The following ARL14EPL variants were observed in gnomAD, a reference collection of about 807,000 sequenced individuals.
ARL14EPL encodes ARF like GTPase 14 effector protein like.
A neutral mutation model predicts 15.9 loss-of-function variants in ARL14EPL; 17 were observed. That is an observed-to-expected ratio of 1.07 (90% CI 0.73 to 1.60). ARL14EPL has a LOEUF of 1.60. ARL14EPL is among the 40% of genes most tolerant of loss of function. The probability of loss-of-function intolerance (pLI) is 0.00; values close to 1 mark genes in which losing one functional copy is unlikely to be tolerated. For missense variants in ARL14EPL, 214 were observed against 185.9 expected, an observed-to-expected ratio of 1.15 and a Z score of -0.88; for synonymous variants, 78 against 63.8, an observed-to-expected ratio of 1.22 and a Z score of -1.06.
chr5:116,036,979 TCTC>T (rs1749060143), intron 1 of ARL14EPL, among the ~76,000 whole-genome samples: 1 of 152,130 alleles, frequency 6.6e-6, no homozygotes, highest in Non-Finnish European at 1.5e-5. Flanking sequence ...AATTTGCAAC[TCTC>T]CTCCTCTGAG....
intron 1 of ARL14EPL, among the ~76,000 whole-genome samples, chr5:116,042,936 A>G (rs1275215221): frequency 1.3e-5 from 2 of 152,090 alleles, no homozygotes; most frequent in South Asian, 2.1e-4. Context: ...ATAACTCTAT[A>G]GAGATCTCCC....
intron 1 of ARL14EPL, among the ~76,000 whole-genome samples, chr5:116,045,832 T>G (rs890893697): frequency 6.6e-6 from 1 of 152,084 alleles, no homozygotes; most frequent in Admixed American, 6.6e-5. Flanking sequence ...CTGTGGATAC[T>G]GTAGATAAAG....
chr5:116,045,080 G>T (rs982403819), intron 1 of ARL14EPL, among the ~76,000 whole-genome samples: 1 of 152,098 alleles, frequency 6.6e-6, no homozygotes, highest in African/African-American at 2.4e-5. Flanking sequence ...TCCTAAACCC[G>T]ATGCCCTCTG....
chr5:116,058,915 A>G lies in ARL14EPL; in HGVS notation c.427A>G (p.Ile143Val), dbSNP rs1014675199. 2.0e-6 allele frequency: 3 copies of G among 1,536,112 alleles called. No homozygotes were observed. The African/African-American group carries it at 4.1e-5, about 21-fold the overall frequency. ...DAIVTESGEVISTLPFNVPD is the reference protein window; with the variant it reads ...DAIVTESGEVVSTLPFNVPD ...CATCGTCACTGAGTCAGGAGAGGTCATCAGCACGCTGCCGTTTAATGTTCC... is the reference window on the plus strand; with the variant it reads ...CATCGTCACTGAGTCAGGAGAGGTCGTCAGCACGCTGCCGTTTAATGTTCC... The change falls in exon 4 of 4, where the codon ATC (isoleucine) becomes GTC (valine). Residue 143 changes from isoleucine (I) to valine (V), a missense_variant. By Grantham distance (29) the Ile-to-Val change is conservative. Transcript: ENST00000686077.
At chr5:116,054,393 G>A (rs561165777) in intron 3 of ARL14EPL, among the ~76,000 whole-genome samples, 3 of 152,254 alleles carry the variant, frequency 2.0e-5, no homozygotes, top group Admixed American at 1.3e-4. Context: ...ATAGAGTAAT[G>A]GCTTTAGTAG....
At chr5:116,041,577 T>C (rs1485281467) in intron 1 of ARL14EPL, among the ~76,000 whole-genome samples, 2 of 152,186 alleles carry the variant, frequency 1.3e-5, no homozygotes, top group Non-Finnish European at 2.9e-5. Flanking sequence ...CTGGGAATGA[T>C]GCTCATTAGA....
At position 116,058,923 on chromosome 5, in the gene ARL14EPL, G is replaced by A. The variant is rs370426377; in HGVS notation, c.435G>A (p.Thr145=). 1.0e-5 allele frequency: 16 copies of A among 1,535,896 alleles called. No homozygotes were observed. The highest frequency in any genetic ancestry group is 9.8e-5 in the East Asian group (4 of 40,922). ...CTGAGTCAGGAGAGGTCATCAGCACGCTGCCGTTTAATGTTCCTGACTAGG... is the reference window on the plus strand; with the variant it reads ...CTGAGTCAGGAGAGGTCATCAGCACACTGCCGTTTAATGTTCCTGACTAGG... The part of the protein sequence containing the change: ...IVTESGEVIS[T]LPFNVPD Residue 145 remains threonine (T), a synonymous_variant, in exon 4 of 4, where the codon ACG becomes ACA. Transcript: ENST00000686077.
At chr5:116,033,234 C>A (rs1748990560) in intron 1 of ARL14EPL, among the ~76,000 whole-genome samples, 2 of 152,148 alleles carry the variant, frequency 1.3e-5, no homozygotes, top group Admixed American at 6.5e-5. Context: ...TTCATACTTT[C>A]CAGTGGTGCA....
At chr5:116,050,312 C>T (rs138315723) in intron 1 of ARL14EPL, among the ~76,000 whole-genome samples, 1 of 152,144 alleles carries the variant, frequency 6.6e-6, no homozygotes, top group Non-Finnish European at 1.5e-5. Context: ...GTGTAGCCAG[C>T]GTTTAGCTCC....
chr5:116,036,101 A>G (rs1749045808), intron 1 of ARL14EPL, among the ~76,000 whole-genome samples: 1 of 152,188 alleles, frequency 6.6e-6, no homozygotes, highest in Admixed American at 6.5e-5. Context: ...TTGAGAGACA[A>G]TGGCTTACTC....
chr5:116,040,527 A>G (rs1289092556), intron 1 of ARL14EPL, among the ~76,000 whole-genome samples: 2 of 151,680 alleles, frequency 1.3e-5, no homozygotes, highest in African/African-American at 2.4e-5. Flanking sequence ...ACTGGGACGT[A>G]GTGGACGATA....
intron 1 of ARL14EPL, among the ~76,000 whole-genome samples, chr5:116,043,273 A>G (rs10478270): frequency 0.024 from 3,602 of 152,072 alleles, 137 homozygotes; most frequent in East Asian, 0.13. Flanking sequence ...ATAACTCATA[A>G]GCATGAAGGT....
chr5:116,034,551 A>C (rs1025199434), intron 1 of ARL14EPL, among the ~76,000 whole-genome samples: 3 of 152,072 alleles, frequency 2.0e-5, no homozygotes, highest in Non-Finnish European at 2.9e-5. Context: ...ATTTTTAGAG[A>C]AATGTTACCT....
At chr5:116,040,922 G>T (rs1749141561) in intron 1 of ARL14EPL, among the ~76,000 whole-genome samples, 1 of 130,890 alleles carries the variant, frequency 7.6e-6, no homozygotes, top group Non-Finnish European at 1.6e-5. Context: ...GGAGCTTGCA[G>T]TGAGCTGAAA....
In ARL14EPL at chr5:116,059,189, C is replaced by T; in HGVS notation, c.*242C>T. ...TGTAACAATGGAGGGATCAGCATTT[C>T]TCATCAGCACCCTCATCTCTACTCT... On this transcript the variant is annotated 3_prime_UTR_variant, in exon 4 of 4. Transcript: ENST00000686077. 2.0e-6 allele frequency: 1 copy of T among 491,526 alleles called. No homozygotes were observed. The allele number at this position is 491,526 out of a possible 1,614,324, so 30.4% of individuals were successfully genotyped here.
chr5:116,055,824 T>A (rs2434358), intron 3 of ARL14EPL, among the ~76,000 whole-genome samples: 86,206 of 151,254 alleles, frequency 0.57, 26,165 homozygotes, highest in Non-Finnish European at 0.7. Flanking sequence ...CAGGCCCCAG[T>A]GTGTGATGTT....
intron 1 of ARL14EPL, among the ~76,000 whole-genome samples, chr5:116,050,158 G>A (rs992978267): frequency 5.3e-5 from 8 of 152,112 alleles, no homozygotes; most frequent in Non-Finnish European, 1.2e-4. Flanking sequence ...TTTCTTTCAA[G>A]TTTTATTTTA....
intron 1 of ARL14EPL, among the ~76,000 whole-genome samples, chr5:116,049,050 C>A (rs182914422): frequency 6.6e-6 from 1 of 152,110 alleles, no homozygotes; most frequent in African/African-American, 2.4e-5. Context: ...TTTGTTTGGA[C>A]GTAGCCCATG....
intron 3 of ARL14EPL, among the ~76,000 whole-genome samples, chr5:116,056,844 C>G (rs1749528988): frequency 6.6e-6 from 1 of 152,110 alleles, no homozygotes; most frequent in South Asian, 2.1e-4. Flanking sequence ...AGGAAGGGAT[C>G]CAATTTCAGC....
Sources: allele counts gnomAD v4.1 joint callset (sites outside exome capture counted in the v4.1 genomes callset), GRCh38; gene constraint gnomAD v4.1.1; transcripts MANE v1.5; gene names NCBI Gene and HGNC (gene_info 2026-07-23, HGNC 2026-07-21).